MEI4: variants seen among roughly 807,000 people sequenced by gnomAD.
MEI4 encodes meiosis-specific protein MEI4.
In MEI4, 27 loss-of-function variants were observed where a neutral mutation model predicts 31.4. That is an observed-to-expected ratio of 0.86 (90% CI 0.63 to 1.19). MEI4 has a LOEUF of 1.19. Among genes scored for constraint, MEI4 ranks in the 50% most tolerant of loss-of-function variants. The probability of loss-of-function intolerance (pLI) is 0.00; values close to 1 mark genes in which losing one functional copy is unlikely to be tolerated. For synonymous variants in MEI4, 122 were observed against 145.4 expected (o/e 0.84, Z 1.16); for missense variants, 329 against 398.9 (o/e 0.82, Z 1.49).
chr6:77,745,874 G>T (rs1198406361), intron 2 of MEI4, among the ~76,000 whole-genome samples: 1 of 151,916 alleles, frequency 6.6e-6, no homozygotes, highest in Non-Finnish European at 1.5e-5. Flanking sequence ...ATGACTACTG[G>T]GTACATAATG....
At chr6:77,912,730 A>G (rs941127590) in intron 4 of MEI4, among the ~76,000 whole-genome samples, 10 of 152,116 alleles carry the variant, frequency 6.6e-5, no homozygotes, top group African/African-American at 2.4e-4. Context: ...TTTTCTAGAT[A>G]AAAGATATCA....
rs544076288 is a variant in MEI4, at chr6:77,896,071, T to C, written c.901-27018T>C. 3.3e-5 allele frequency among the ~76,000 whole-genome samples: 5 copies of C among 152,240 alleles called. No homozygotes were observed. The East Asian group carries it at 7.7e-4, about 24-fold the overall frequency. On this transcript the variant is annotated intron_variant, in intron 4 of 4. Transcript: ENST00000684080. The stretch of plus-strand genomic sequence containing the variant: ...AGTATAAAATAGGGAAAGTTTCCTA[T>C]AAGTGGGGTTGACAGCCCCATAATT...
chr6:77,657,532 T>C (rs953250407), intron 1 of MEI4, among the ~76,000 whole-genome samples: 3 of 152,156 alleles, frequency 2.0e-5, no homozygotes, highest in Admixed American at 1.3e-4. Context: ...AGCCCTTCTT[T>C]ACTATGTGGT....
At chr6:77,917,787 C>T (rs575302607) in intron 4 of MEI4, among the ~76,000 whole-genome samples, 1 of 151,212 alleles carries the variant, frequency 6.6e-6, no homozygotes, top group South Asian at 2.1e-4. Context: ...TACCATTTGT[C>T]AATTTTGTCT....
At chr6:77,650,453 T>C (rs911117873), upstream of MEI4, among the ~76,000 whole-genome samples, 1 of 152,210 alleles carries the variant, frequency 6.6e-6, no homozygotes, top group African/African-American at 2.4e-5. Context: ...GTTTCCCCGC[T>C]GGCTCTGGTG....
chr6:77,813,958 G>T (rs1020896726), intron 3 of MEI4, among the ~76,000 whole-genome samples: 6 of 152,076 alleles, frequency 3.9e-5, no homozygotes, highest in African/African-American at 1.4e-4. Context: ...TAGGACAAGA[G>T]AATCTCTTTC....
At chr6:77,763,639 C>T (rs951253222) in intron 3 of MEI4, among the ~76,000 whole-genome samples, 3 of 152,068 alleles carry the variant, frequency 2.0e-5, no homozygotes, top group Admixed American at 1.3e-4. Flanking sequence ...AATGAAAACT[C>T]AAGTTTTCAT....
At chr6:77,921,178 A>ATCTT (rs1766694110) in intron 4 of MEI4, among the ~76,000 whole-genome samples, 1 of 151,842 alleles carries the variant, frequency 6.6e-6, no homozygotes, top group African/African-American at 2.4e-5. Flanking sequence ...TTCATTTATT[A>ATCTT]TCTTACCTAT....
Position 77,926,711 on chromosome 6 carries a change from T to A in MEI4, c.*3365T>A, listed in dbSNP as rs1263018780. The A allele has an allele frequency of 2.0e-5, 3 of 151,928 alleles. No individual in the cohort carries two copies. Among genetic ancestry groups the A allele is most frequent in the Non-Finnish European group, 4.4e-5 (3 of 67,940 alleles). 9.4% of individuals were successfully genotyped at this position (151,928 alleles called of 1,614,324 possible). ...TATTCATCAAATATGAAGCACCAAT[T>A]GTCTACAAACCAATTATTTGCAAAA... On this transcript the variant is annotated 3_prime_UTR_variant, in exon 5 of 5. Transcript: ENST00000684080.
At chr6:77,784,749 G>A (rs9343658) in intron 3 of MEI4, among the ~76,000 whole-genome samples, 3 of 151,940 alleles carry the variant, frequency 2.0e-5, no homozygotes, top group Non-Finnish European at 4.4e-5. Flanking sequence ...TGACTTGCCC[G>A]GAGTTGGTTT....
Position 77,829,025 on chromosome 6 carries a change from T to C in MEI4, c.863T>C (p.Val288Ala). 1 of 1,231,954 alleles carries C rather than the reference T, an allele frequency of 8.1e-7. No homozygotes were observed. The highest frequency in any genetic ancestry group is 1.0e-6 in the Non-Finnish European group (1 of 987,810). 76.3% of individuals were successfully genotyped at this position (1,231,954 alleles called of 1,614,324 possible). ...KSIISLLLSE[V>A]NGFADDLGAI... ...ATTATATCTCTGCTTCTATCAGAAG[T>C]AAATGGCTTTGCTGATGATCTGGGA... The change falls in exon 4 of 5, where the codon GTA becomes GCA. Residue 288 changes from valine to alanine, a missense_variant. By Grantham distance (64) the Val-to-Ala change is moderately conservative. Coordinates refer to ENST00000684080, the MANE Select transcript of MEI4 (RefSeq NM_001322247.2).
intron 1 of MEI4, among the ~76,000 whole-genome samples, chr6:77,681,439 A>G (rs12205977): frequency 0.38 from 57,537 of 152,094 alleles, 12,250 homozygotes; most frequent in East Asian, 0.5. Context: ...CTTCCAAAAT[A>G]TTTTTAAAAA....
chr6:77,851,117 C>T (rs554938694), intron 4 of MEI4, among the ~76,000 whole-genome samples: 1 of 152,212 alleles, frequency 6.6e-6, no homozygotes, highest in East Asian at 1.9e-4. Flanking sequence ...GAATGGTGAT[C>T]ATTAAAAAGT....
intron 2 of MEI4, among the ~76,000 whole-genome samples, chr6:77,700,016 G>A (rs182006549): frequency 6.6e-6 from 1 of 152,216 alleles, no homozygotes; most frequent in Non-Finnish European, 1.5e-5. Flanking sequence ...ACTGTGGGGT[G>A]CCTCCCAGTT....
At chr6:77,704,220 T>C (rs1283172660) in intron 2 of MEI4, among the ~76,000 whole-genome samples, 1 of 152,220 alleles carries the variant, frequency 6.6e-6, no homozygotes, top group Non-Finnish European at 1.5e-5. Context: ...TTCTACAAGC[T>C]ATTCTTTAAA....
intron 3 of MEI4, among the ~76,000 whole-genome samples, chr6:77,827,405 A>T (rs1379572798): frequency 6.6e-6 from 1 of 151,088 alleles, no homozygotes; most frequent in East Asian, 2.0e-4. Context: ...ATAATTAGGT[A>T]ACTCTGAAAC....
At chr6:77,751,472 A>G (rs909332927) in intron 2 of MEI4, among the ~76,000 whole-genome samples, 1 of 152,070 alleles carries the variant, frequency 6.6e-6, no homozygotes, top group African/African-American at 2.4e-5. Flanking sequence ...CAAACTACCA[A>G]CAGAGAATTT....
intron 2 of MEI4, among the ~76,000 whole-genome samples, chr6:77,750,038 G>T (rs1767727523): frequency 6.6e-6 from 1 of 152,172 alleles, no homozygotes; most frequent in Admixed American, 6.5e-5. Context: ...AAGCGAAGGA[G>T]AAATAAAATT....
chr6:77,738,082 G>A (rs1018504027), intron 2 of MEI4, among the ~76,000 whole-genome samples: 1 of 152,204 alleles, frequency 6.6e-6, no homozygotes, highest in Non-Finnish European at 1.5e-5. Flanking sequence ...ACTGGAATGA[G>A]GGGTTGTATC....
Sources: allele counts gnomAD v4.1 joint callset (sites outside exome capture counted in the v4.1 genomes callset), GRCh38; gene constraint gnomAD v4.1.1; transcripts MANE v1.5; gene names NCBI Gene and HGNC (gene_info 2026-07-23, HGNC 2026-07-21).